Variants in HSPA8 observed in about 807,000 individuals in gnomAD.
The protein encoded by HSPA8 is heat shock protein family A (Hsp70) member 8, also known as heat shock cognate 71 kDa protein.
Under a neutral mutation model 52.8 loss-of-function variants are expected in HSPA8, and 2 were observed. The observed-to-expected ratio is 0.04, with a 90% CI of 0.02 to 0.12. HSPA8 has a LOEUF of 0.12. Among genes scored for constraint, HSPA8 ranks in the 10% least tolerant of loss-of-function variants. HSPA8 has a pLI of 1.00. For synonymous variants in HSPA8, 436 were observed against 274.0 expected (o/e 1.59, Z -5.84); for missense variants, 349 against 800.5 (o/e 0.44, Z 6.81).
chr11:123,058,065 T>A, intron 8 of HSPA8, 146 bp from the exon 9 acceptor site: 1 of 738,856 alleles, frequency 1.4e-6, no homozygotes, highest in African/African-American at 1.8e-5. Context: ...TATTCTTCCT[T>A]AACATCTTGG....
chr11:123,061,060 A>C (rs1865484648), intron 2 of HSPA8, 60 bp downstream of exon 2: 3 of 1,455,338 alleles, frequency 2.1e-6, no homozygotes, highest in African/African-American at 1.4e-5. Context: ...CACGTTTCAT[A>C]AACTTTTGTG....
In HSPA8 at chr11:123,061,131, T is replaced by C; in HGVS notation, c.194A>G (p.Asn65Ser). Reference sequence around the variant, plus strand: ...AATTAGGAACTCACCAAAAACTGTGTTGGTGGGGTTCATTGCAACTTGATT... The same window carrying C: ...AATTAGGAACTCACCAAAAACTGTGCTGGTGGGGTTCATTGCAACTTGATT... ...AKNQVAMNPTNTVFDAKRLIG... is the reference protein window; with the variant it reads ...AKNQVAMNPTSTVFDAKRLIG... The change falls in exon 2 of 9, where the codon AAC becomes AGC. Residue 65 changes from asparagine to serine, a missense_variant. Transcript: ENST00000534624. 6.2e-7 allele frequency: 1 copy of C among 1,613,490 alleles called. No individual in the cohort carries two copies. Among genetic ancestry groups the C allele is most frequent in the Non-Finnish European group, 8.5e-7 (1 of 1,179,636 alleles).
rs148609753 is a variant in HSPA8 at position 123,060,131 on chromosome 11, G to A, written c.549C>T (p.Tyr183=). The A allele has an allele frequency of 1.6e-4, 260 of 1,614,036 alleles. 2 individuals carry two copies. In the East Asian group the frequency reaches 1.7e-3, roughly 11 times the overall value. ...INEPTAAAIA[Y]GLDKKVGAER... is the part of the protein sequence containing the mutation. ...TGGTACATACCTTTTTGTCTAAGCC[G>A]TAAGCAATAGCAGCAGCAGTTGGCT... The change falls in exon 4 of 9, where the codon TAC becomes TAT. Residue 183 remains tyrosine (Y), a synonymous_variant. Coordinates refer to ENST00000534624, the MANE Select transcript of HSPA8 (RefSeq NM_006597.6).
intron 8 of HSPA8, 112 bp downstream of exon 8, chr11:123,058,140 T>G (rs1865366030): frequency 1.3e-6 from 1 of 794,510 alleles, no homozygotes; most frequent in Non-Finnish European, 2.1e-6. Flanking sequence ...CCGCGAATGT[T>G]TTGGACCATT....
Position 123,060,817 on chromosome 11 carries a change from GA to G in HSPA8, c.206-20del, listed in dbSNP as rs1565369333. On this transcript the variant is annotated intron_variant, in intron 2 of 8. Coordinates refer to ENST00000534624, the MANE Select transcript of HSPA8 (RefSeq NM_006597.6). ...TTGGCATCTGTAAAAGGTGTCAAAT[GA>G]AAACACTTTCAATTTCATAGCTCTT... is the stretch of plus-strand genomic sequence containing the variant. 5.6e-6 allele frequency: 9 copies of G among 1,593,922 alleles called. No individual in the cohort carries two copies. The highest frequency in any genetic ancestry group is 7.7e-6 in the Non-Finnish European group (9 of 1,170,660).
In HSPA8 at chr11:123,061,009, T is replaced by C. The variant is rs183946363; in HGVS notation, c.205+111A>G. On this transcript the variant is annotated intron_variant, in intron 2 of 8. Transcript: ENST00000534624. ...GTTTTATAACAGACTTGATAACAAG[T>C]CTCTCAGCTCAGTTTTTCTAAAATC... The C allele has an allele frequency of 8.7e-4, 852 of 977,506 alleles. 5 individuals carry two copies. In the African/African-American group the frequency reaches 9.3e-3, roughly 11 times the overall value. 60.6% of individuals were successfully genotyped at this position (977,506 alleles called of 1,614,324 possible). A position where few individuals can be genotyped will look rare whatever the true frequency, so the allele number is the denominator to read the frequency against.
At chr11:123,059,290 A>C in intron 5 of HSPA8, 29 bp from the exon 6 acceptor site, 2 of 1,587,168 alleles carry the variant, frequency 1.3e-6, no homozygotes, top group East Asian at 2.2e-5. Flanking sequence ...ACGTTAAAAG[A>C]AGTTAAAAGA....
chr11:123,059,295 A>G (rs757290841), intron 5 of HSPA8, 34 bp from the exon 6 acceptor site: 3 of 1,577,428 alleles, frequency 1.9e-6, no homozygotes, highest in Non-Finnish European at 1.7e-6. Flanking sequence ...AAAAGAAGTT[A>G]AAAGAAAACC....
At position 123,059,074 on chromosome 11, in the gene HSPA8, A is replaced by G. The variant is rs757222670; in HGVS notation, c.1308T>C (p.Pro436=). The change falls in exon 6 of 9, where the codon CCT becomes CCC. Residue 436 remains proline, a synonymous_variant. Transcript: ENST00000534624. ...QTFTTYSDNQ[P]GVLIQVYEGE... Reference sequence around the variant, plus strand: ...AGAAACATACCTGAATAAGCACACCAGGCTGGTTGTCAGAATAGGTAGTGA... The same window carrying G: ...AGAAACATACCTGAATAAGCACACCGGGCTGGTTGTCAGAATAGGTAGTGA... The G allele has an allele frequency of 2.5e-6, 4 of 1,612,792 alleles. No homozygotes were observed. The highest frequency in any genetic ancestry group is 3.4e-6 in the Non-Finnish European group (4 of 1,179,820).
At chr11:123,061,927 C>T (rs530664033) in intron 1 of HSPA8, 137 bp downstream of exon 1, 18 of 158,188 alleles carry the variant, frequency 1.1e-4, no homozygotes, top group African/African-American at 4.3e-4. Context: ...AACTGAGGCC[C>T]TTTAAGCCGG....
Position 123,057,882 on chromosome 11 carries a change from T to C in HSPA8, c.1793A>G (p.Glu598Gly). The change falls in exon 9 of 9, where the codon GAG (glutamate) becomes GGG (glycine). Residue 598 changes from glutamate to glycine, a missense_variant. Physicochemically the swap from Glu to Gly is moderately conservative, Grantham distance 98. Coordinates refer to ENST00000534624, the MANE Select transcript of HSPA8 (RefSeq NM_006597.6). ...EKEEFEHQQK[E>G]LEKVCNPIIT... Reference sequence around the variant, plus strand: ...GATGGGGTTGCAAACTTTCTCCAGCTCTTTCTGTTGATGTTCAAATTCTTC... The same window carrying C: ...GATGGGGTTGCAAACTTTCTCCAGCCCTTTCTGTTGATGTTCAAATTCTTC... 1 of 1,611,740 alleles carries C rather than the reference T, an allele frequency of 6.2e-7. No homozygotes were observed. Among genetic ancestry groups the C allele is most frequent in the Non-Finnish European group, 8.5e-7 (1 of 1,179,346 alleles).
chr11:123,058,226 G>GAAAAGA, intron 8 of HSPA8, 26 bp downstream of exon 8: 1 of 1,012,454 alleles, frequency 9.9e-7, no homozygotes, highest in Non-Finnish European at 1.4e-6. Context: ...AGTGGGGGAG[G>GAAAAGA]AAAAAAAAAA....
At position 123,060,367 on chromosome 11, in the gene HSPA8, A is replaced by ACC. The variant is rs149047184; in HGVS notation, c.412-101_412-100dup. On this transcript the variant is annotated intron_variant, in intron 3 of 8. Transcript: ENST00000534624. Reference sequence around the variant, plus strand: ...ATGCTGGTGAAAGAACAGCTGGAGCACCCCCCCCACCAAAATGTAAATTAC... The same window carrying ACC: ...ATGCTGGTGAAAGAACAGCTGGAGCACCCCCCCCCCACCAAAATGTAAATTAC... 3.8e-3 allele frequency: 4,226 copies of ACC among 1,106,966 alleles called. 39 individuals are homozygous for ACC. The highest frequency in any genetic ancestry group is 0.037 in the African/African-American group (2,309 of 62,162). The allele number at this position is 1,106,966 out of a possible 1,614,324, so 68.6% of individuals were successfully genotyped here. A position where few individuals can be genotyped will look rare whatever the true frequency, so the allele number is the denominator to read the frequency against.
chr11:123,058,362 T>C lies in HSPA8; in HGVS notation c.1645A>G (p.Met549Val), dbSNP rs568778183. 14 of 1,613,194 alleles carry C rather than the reference T, an allele frequency of 8.7e-6. No homozygotes were observed. The highest frequency in any genetic ancestry group is 5.0e-5 in the Admixed American group (3 of 60,016). The change falls in exon 8 of 9, where the codon ATG (methionine) becomes GTG (valine). Residue 549 changes from methionine to valine, a missense_variant. By Grantham distance (21) the Met-to-Val change is conservative. Transcript: ENST00000534624. ...KNSLESYAFNMKATVEDEKLQ... is the reference protein window; with the variant it reads ...KNSLESYAFNVKATVEDEKLQ... ...TTCTCATCTTCAACAGTTGCTTTCA[T>C]GTTGAAGGCATAGGACTCAAGTGAA...
chr11:123,059,304 C>G (rs768379355), intron 5 of HSPA8, 43 bp from the exon 6 acceptor site: 2 of 1,532,584 alleles, frequency 1.3e-6, no homozygotes, highest in East Asian at 2.3e-5. Context: ...TAAAAGAAAA[C>G]CCAGTACATA....
intron 6 of HSPA8, 106 bp from the exon 7 acceptor site, chr11:123,058,936 GC>G: frequency 1.4e-6 from 2 of 1,380,568 alleles, no homozygotes; most frequent in Non-Finnish European, 2.0e-6. Flanking sequence ...GAAGGAACTG[GC>G]CAACATAAGA....
Position 123,059,483 on chromosome 11 carries a change from A to G in HSPA8, c.1110T>C (p.Ala370=). 1.2e-6 allele frequency: 2 copies of G among 1,613,282 alleles called. No homozygotes were observed. The highest frequency in any genetic ancestry group is 1.7e-6 in the Non-Finnish European group (2 of 1,179,576). Residue 370 remains alanine (A), a synonymous_variant, in exon 5 of 9, where the codon GCT becomes GCC. Transcript: ENST00000534624. ...AGATACCATTGTTACCTGCACCATA[A>G]GCAACAGCTTCATCAGGGTTGATGC... is the stretch of plus-strand genomic sequence containing the variant. ...NKSINPDEAV[A]YGAAVQAAIL...
At chr11:123,058,552 T>C (rs1311401847) in intron 7 of HSPA8, 68 bp from the exon 8 acceptor site, 2 of 1,570,138 alleles carry the variant, frequency 1.3e-6, no homozygotes, top group Non-Finnish European at 1.8e-6. Flanking sequence ...TAGTTTCTCT[T>C]AGCTAGACGC....
At chr11:123,061,418 AT>A in intron 1 of HSPA8, 89 bp from the exon 2 acceptor site, 1 of 976,862 alleles carries the variant, frequency 1.0e-6, no homozygotes, top group African/African-American at 1.6e-5. Context: ...GGAAAAACGT[AT>A]GGCCACTGCC....
Sources: allele counts gnomAD v4.1 joint callset, GRCh38; gene constraint gnomAD v4.1.1; transcripts MANE v1.5; gene names NCBI Gene and HGNC (gene_info 2026-07-23, HGNC 2026-07-21).